The following RHBDL2 variants were observed in gnomAD, a reference collection of about 807,000 sequenced individuals.
The protein encoded by RHBDL2 is rhomboid like 2.
RHBDL2 carries 26 observed loss-of-function variants against 31.7 expected under a neutral mutation model. That is an observed-to-expected ratio of 0.82 (90% confidence interval 0.60 to 1.14). The LOEUF is 1.14. Among genes scored for constraint, RHBDL2 ranks in the 50% most tolerant of loss-of-function variants. The pLI is 0.00. For missense variants in RHBDL2, 336 were observed against 364.4 expected (o/e 0.92, Z 0.63); for synonymous variants, 123 against 127.2 (o/e 0.97, Z 0.22).
chr1:38,912,170 C>A (rs1374799577), intron 3 of RHBDL2, among the ~76,000 whole-genome samples: 1 of 152,034 alleles, frequency 6.6e-6, no homozygotes, highest in Non-Finnish European at 1.5e-5. Context: ...AGGGTTTCTT[C>A]ATGTTGGTCA....
At chr1:38,934,583 G>A (rs2124355541) in intron 1 of RHBDL2, among the ~76,000 whole-genome samples, 1 of 148,116 alleles carries the variant, frequency 6.8e-6, no homozygotes, top group African/African-American at 2.5e-5. Context: ...TTGAACCCGG[G>A]AGGTGGAGGT....
At chr1:38,908,368 C>T (rs1239438197) in intron 4 of RHBDL2, among the ~76,000 whole-genome samples, 9 of 151,596 alleles carry the variant, frequency 5.9e-5, no homozygotes, top group African/African-American at 2.2e-4. Context: ...CAAAATTAGC[C>T]GGGTGTGGTG....
intron 3 of RHBDL2, among the ~76,000 whole-genome samples, chr1:38,912,190 C>G (rs1643158006): frequency 6.6e-6 from 1 of 152,090 alleles, no homozygotes; most frequent in Non-Finnish European, 1.5e-5. Flanking sequence ...AGGCTGGCCT[C>G]AAACTCCTGA....
intron 2 of RHBDL2, 65 bp from the exon 3 acceptor site, chr1:38,915,775 C>T (rs1557617404): frequency 4.6e-6 from 7 of 1,519,858 alleles, no homozygotes; most frequent in East Asian, 2.3e-5. Context: ...CATCCAAGCC[C>T]GTGGGCAGTA....
At chr1:38,926,062 T>G (rs1275023039) in intron 1 of RHBDL2, 1 of 1,247,642 alleles carries the variant, frequency 8.0e-7, no homozygotes, top group Non-Finnish European at 1.0e-6. Flanking sequence ...TATCTTCTCC[T>G]GGTGGGCAGC....
chr1:38,896,011 TC>T lies in RHBDL2; in HGVS notation c.566del (p.Gly189GlufsTer5), dbSNP rs763442431. 1.9e-6 allele frequency: 3 copies of T among 1,613,756 alleles called. No homozygotes were observed. The highest frequency in any genetic ancestry group is 2.5e-6 in the Non-Finnish European group (3 of 1,179,892). The part of the protein sequence containing the change: ...PLRYLVGASG[G>X]VYALMGGYFM... ...AATAGCCTCCCATCAGAGCATAGAC[TC>T]CTCCTGAAGCTCCCACAAGATATCT... On this transcript the variant is annotated frameshift_variant, in exon 5 of 8. Coordinates refer to ENST00000372990, the MANE Select transcript of RHBDL2 (RefSeq NM_017821.5). LOFTEE classifies it high-confidence loss of function.
At chr1:38,912,900 ATATATATATATGTGTGTGTGTGTGTGTG>A (rs1375935447) in intron 3 of RHBDL2, among the ~76,000 whole-genome samples, 3 of 98,526 alleles carry the variant, frequency 3.0e-5, no homozygotes, top group Non-Finnish European at 5.8e-5. Flanking sequence ...ATATATATAT[ATATATATATATGTGTGTGTGTGTGTGTG>A]TGTGTGTGTG....
chr1:38,897,103 CT>C (rs1214407153), intron 4 of RHBDL2, among the ~76,000 whole-genome samples: 1,903 of 141,806 alleles, frequency 0.013, 17 homozygotes, highest in African/African-American at 0.035. Flanking sequence ...TTTGAAGAAT[CT>C]TTTTTTTTTT....
At chr1:38,932,252 G>C (rs977522008) in intron 1 of RHBDL2, among the ~76,000 whole-genome samples, 1 of 151,604 alleles carries the variant, frequency 6.6e-6, no homozygotes, top group Non-Finnish European at 1.5e-5. Context: ...AAAAGAAAAA[G>C]TCATGTGAAA....
chr1:38,926,197 A>G, intron 1 of RHBDL2: 1 of 1,095,076 alleles, frequency 9.1e-7, no homozygotes, highest in Non-Finnish European at 1.1e-6. Context: ...GGAGGTGAGG[A>G]TGGAAAAAAT....
At chr1:38,897,973 A>G (rs1642941733) in intron 4 of RHBDL2, among the ~76,000 whole-genome samples, 1 of 151,974 alleles carries the variant, frequency 6.6e-6, no homozygotes, top group African/African-American at 2.4e-5. Context: ...TCCACTAAAA[A>G]TACAAAAATT....
chr1:38,915,541 G>A (rs1484720102), intron 3 of RHBDL2, 21 bp downstream of exon 3: 6 of 1,612,430 alleles, frequency 3.7e-6, no homozygotes, highest in Non-Finnish European at 5.1e-6. Flanking sequence ...TGATACCAGG[G>A]GCTTAACTAT....
At chr1:38,918,722 A>T (rs897585789) in intron 2 of RHBDL2, among the ~76,000 whole-genome samples, 6 of 152,172 alleles carry the variant, frequency 3.9e-5, no homozygotes, top group African/African-American at 1.4e-4. Flanking sequence ...AATTGCAGCC[A>T]CAGCTGGGCA....
intron 3 of RHBDL2, among the ~76,000 whole-genome samples, chr1:38,914,080 G>A (rs1052313966): frequency 1.3e-4 from 20 of 149,886 alleles, no homozygotes; most frequent in African/African-American, 4.9e-4. Flanking sequence ...TCGCACCACC[G>A]CACTCCAGCC....
chr1:38,887,820 A>T, intron 7 of RHBDL2, 143 bp downstream of exon 7: 9 of 605,626 alleles, frequency 1.5e-5, no homozygotes, highest in Non-Finnish European at 2.7e-5. Flanking sequence ...AGGACAATTC[A>T]AAAGTCTGAT....
In RHBDL2 at chr1:38,919,036, T is replaced by C; in HGVS notation, c.177A>G (p.Arg59=). The part of the protein sequence containing the change: ...VSKWMLPEKS[R]GTYLERANCF... ...AGTTAGCTCTCTCCAAGTATGTTCC[T>C]CGGGACTTTTCGGGCAGCATCCATT... The change falls in exon 2 of 8, where the codon CGA becomes CGG. Residue 59 remains arginine (R), a synonymous_variant. Coordinates refer to ENST00000372990, the MANE Select transcript of RHBDL2 (RefSeq NM_017821.5). 3 of 1,614,196 alleles carry C rather than the reference T, an allele frequency of 1.9e-6. No individual in the cohort carries two copies. The highest frequency in any genetic ancestry group is 2.5e-6 in the Non-Finnish European group (3 of 1,180,040).
rs886394152 is a variant in RHBDL2 at position 38,926,293 on chromosome 1, G to A, written c.-125-6956C>T. On this transcript the variant is annotated intron_variant, in intron 1 of 7. Coordinates refer to ENST00000372990, the MANE Select transcript of RHBDL2 (RefSeq NM_017821.5). Reference sequence around the variant, plus strand: ...GTCAGCATGGCATCCAGCATCCAACGCCAGCTGTGGCTGTGACAAAGGCAG... The same window carrying A: ...GTCAGCATGGCATCCAGCATCCAACACCAGCTGTGGCTGTGACAAAGGCAG... 1.8e-5 allele frequency: 15 copies of A among 837,796 alleles called. No homozygotes were observed. In the East Asian group the frequency reaches 5.2e-4, roughly 29 times the overall value. 51.9% of individuals were successfully genotyped at this position (837,796 alleles called of 1,614,324 possible).
intron 1 of RHBDL2, among the ~76,000 whole-genome samples, chr1:38,938,741 C>T (rs907256665): frequency 6.6e-6 from 1 of 152,214 alleles, no homozygotes; most frequent in East Asian, 1.9e-4. Context: ...TTGTGTTAGG[C>T]ACCGAGGATG....
At chr1:38,909,851 A>G (rs1643117176) in intron 4 of RHBDL2, among the ~76,000 whole-genome samples, 1 of 152,034 alleles carries the variant, frequency 6.6e-6, no homozygotes, top group African/African-American at 2.4e-5. Flanking sequence ...AAAACTGAAA[A>G]CTCTGTTCAC....
Sources: allele counts gnomAD v4.1 joint callset (sites outside exome capture counted in the v4.1 genomes callset), GRCh38; gene constraint gnomAD v4.1.1; transcripts MANE v1.5; gene names NCBI Gene and HGNC (gene_info 2026-07-23, HGNC 2026-07-21).